ATP13A3: variants seen among roughly 807,000 people sequenced by gnomAD.
ATP13A3 encodes ATPase 13A3, also known as polyamine-transporting ATPase 13A3.
A neutral mutation model predicts 158.1 loss-of-function variants in ATP13A3; 59 were observed. That is an observed-to-expected ratio of 0.37 (90% CI 0.30 to 0.46). ATP13A3 has a LOEUF of 0.46. Ranked by LOEUF, ATP13A3 falls within the 20% of genes least tolerant of loss-of-function variation. The pLI is 1.00. For synonymous variants in ATP13A3, 491 were observed against 504.3 expected (o/e 0.97, Z 0.35); for missense variants, 1,166 against 1,525.2 (o/e 0.76, Z 3.92).
chr3:194,471,526 T>C (rs756995571), intron 2 of ATP13A3, among the ~76,000 whole-genome samples: 2 of 152,002 alleles, frequency 1.3e-5, no homozygotes, highest in Non-Finnish European at 1.5e-5. Context: ...GCAAATTTGT[T>C]GTGCTTTTAT....
At position 194,447,868 on chromosome 3, in the gene ATP13A3, TTAA is replaced by T; in HGVS notation, c.1289_1291del (p.Ile430del). The T allele has an allele frequency of 6.2e-7, 1 of 1,610,972 alleles. No individual in the cohort carries two copies. The highest frequency in any genetic ancestry group is 8.5e-7 in the Non-Finnish European group (1 of 1,177,310). Reference sequence around the variant, plus strand: ...CATACATACCTCATTTAAAATGCTATTAATAATAGTGTAGATAAACCCAATGCC... The same window carrying T: ...CATACATACCTCATTTAAAATGCTATTAATAGTGTAGATAAACCCAATGCC... On this transcript the variant is annotated inframe_deletion, in exon 13 of 34. Coordinates refer to ENST00000645319, the MANE Select transcript of ATP13A3 (RefSeq NM_001367549.1).
At chr3:194,439,058 A>C in intron 16 of ATP13A3, 86 bp from the exon 17 acceptor site, 1 of 828,364 alleles carries the variant, frequency 1.2e-6, no homozygotes, top group Non-Finnish European at 1.9e-6. Context: ...TCCATTTTTA[A>C]ATAGAACATT....
At chr3:194,417,396 GACACACACACACACACACACAC>G (rs56119734) in intron 31 of ATP13A3, among the ~76,000 whole-genome samples, 12 of 118,054 alleles carry the variant, frequency 1.0e-4, no homozygotes, top group Non-Finnish European at 1.9e-4. Context: ...GCCAGATTCT[GACACACACACACACACACACAC>G]ACACACACAC....
At chr3:194,485,165 T>C (rs1427534995) in intron 2 of ATP13A3, among the ~76,000 whole-genome samples, 1 of 152,182 alleles carries the variant, frequency 6.6e-6, no homozygotes, top group Non-Finnish European at 1.5e-5. Flanking sequence ...ATCTCAATTA[T>C]TTCACTCTCT....
In ATP13A3 at chr3:194,450,272, T is replaced by C. The variant is rs1479679204; in HGVS notation, c.843A>G (p.Ile281Met). The change falls in exon 11 of 34, where the codon ATA becomes ATG. Residue 281 changes from isoleucine to methionine, a missense_variant. Transcript: ENST00000645319. Reference sequence around the variant, plus strand: ...CAAGGTCGGTAGAAAAGATTTCTTCTATTTCTGAAATTAAAGAAAGAAAGA... The same window carrying C: ...CAAGGTCGGTAGAAAAGATTTCTTCCATTTCTGAAATTAAAGAAAGAAAGA... ...RVSVCRVNEE[I>M]EEIFSTDLVP... 4.3e-6 allele frequency: 7 copies of C among 1,610,692 alleles called. No individual in the cohort carries two copies. Among genetic ancestry groups the C allele is most frequent in the Non-Finnish European group, 5.9e-6 (7 of 1,177,936 alleles).
intron 30 of ATP13A3, among the ~76,000 whole-genome samples, chr3:194,423,634 C>T (rs1383241901): frequency 1.3e-5 from 2 of 152,172 alleles, no homozygotes; most frequent in South Asian, 2.1e-4. Context: ...TAACGGCAAT[C>T]GAGTTTTATG....
chr3:194,471,344 A>G (rs959653488), intron 2 of ATP13A3, among the ~76,000 whole-genome samples: 7 of 150,540 alleles, frequency 4.6e-5, no homozygotes, highest in East Asian at 1.9e-4. Flanking sequence ...AAAAAAAAAA[A>G]AAAGAAAAGA....
intron 32 of ATP13A3, chr3:194,412,823 C>G (rs1178403987): frequency 6.5e-6 from 1 of 154,488 alleles, no homozygotes; most frequent in Non-Finnish European, 1.4e-5. Flanking sequence ...TGGGCAACTT[C>G]AAAAGGTCAG....
At chr3:194,450,934 A>G (rs1259624801) in intron 10 of ATP13A3, 2 of 152,256 alleles carry the variant, frequency 1.3e-5, no homozygotes, top group Non-Finnish European at 2.9e-5. Context: ...TTTGAAAAAA[A>G]GAAAAATGAA....
chr3:194,425,636 A>G (rs1057093114), intron 29 of ATP13A3, 107 bp from the exon 30 acceptor site: 8 of 859,916 alleles, frequency 9.3e-6, no homozygotes, highest in Non-Finnish European at 1.4e-5. Flanking sequence ...ACAAATAGAA[A>G]TATGATATTT....
At chr3:194,435,705 G>A (rs921998894) in intron 20 of ATP13A3, among the ~76,000 whole-genome samples, 3 of 152,094 alleles carry the variant, frequency 2.0e-5, no homozygotes, top group Non-Finnish European at 4.4e-5. Context: ...TCAGGAGTTC[G>A]AGACCAGCCT....
At chr3:194,481,025 C>T (rs778587729) in intron 2 of ATP13A3, among the ~76,000 whole-genome samples, 17 of 152,070 alleles carry the variant, frequency 1.1e-4, no homozygotes, top group Non-Finnish European at 1.6e-4. Context: ...AAACTGGTGC[C>T]TTTTTAAAAG....
At chr3:194,490,543 T>C (rs886968660), upstream of ATP13A3, among the ~76,000 whole-genome samples, 1 of 152,250 alleles carries the variant, frequency 6.6e-6, no homozygotes, top group African/African-American at 2.4e-5. The surrounding 1 kb of genome is among the most constrained non-coding windows in gnomAD (Gnocchi z 4.4). Context: ...CTTCTCTAAA[T>C]GTTGCTGTTC....
Position 194,447,047 on chromosome 3 carries a change from A to C in ATP13A3, c.1377T>G (p.Pro459=). ...ACACAATACCAGCAGTCATTGCAGC[A>C]GGAAGTGCAGGGGGCACAGTAATTG... ...IITITVPPAL[P]AAMTAGIVYA... is the part of the protein sequence containing the mutation. The change falls in exon 14 of 34, where the codon CCT becomes CCG. Residue 459 remains proline, a synonymous_variant. Coordinates refer to ENST00000645319, the MANE Select transcript of ATP13A3 (RefSeq NM_001367549.1). 1 of 1,613,566 alleles carries C rather than the reference A, an allele frequency of 6.2e-7. No homozygotes were observed. Among genetic ancestry groups the C allele is most frequent in the Non-Finnish European group, 8.5e-7 (1 of 1,179,800 alleles).
chr3:194,484,393 G>A (rs754710768), intron 2 of ATP13A3, among the ~76,000 whole-genome samples: 3 of 152,022 alleles, frequency 2.0e-5, no homozygotes, highest in South Asian at 4.2e-4. Flanking sequence ...CTTGTATAAC[G>A]TGGTGGTTTT....
intron 2 of ATP13A3, among the ~76,000 whole-genome samples, chr3:194,483,994 C>A (rs1294075263): frequency 6.6e-6 from 1 of 151,436 alleles, no homozygotes; most frequent in African/African-American, 2.4e-5. Context: ...TATCACCTAT[C>A]AAAGAAAACA....
intron 28 of ATP13A3, among the ~76,000 whole-genome samples, 200 bp from the exon 29 acceptor site, chr3:194,427,452 A>G (rs553116234): frequency 3.3e-5 from 5 of 152,054 alleles, no homozygotes; most frequent in Non-Finnish European, 5.9e-5. Flanking sequence ...CTTTTTGAAA[A>G]ACGCCTCAGG....
chr3:194,451,542 A>C (rs1577069130), intron 10 of ATP13A3: 1 of 152,254 alleles, frequency 6.6e-6, no homozygotes, highest in African/African-American at 2.4e-5. Context: ...AATAAGCTAC[A>C]CATCTTAGAC....
chr3:194,418,078 G>A (rs1350591144), intron 31 of ATP13A3, among the ~76,000 whole-genome samples: 1 of 151,776 alleles, frequency 6.6e-6, no homozygotes, highest in African/African-American at 2.4e-5. Context: ...ATAAGACAAA[G>A]GTATCACTGA....
Sources: gnomAD v4.1 joint callset for allele counts (sites outside exome capture counted in the v4.1 genomes callset) on GRCh38, gnomAD v4.1.1 for gene constraint, Gnocchi (gnomAD v3.1) non-coding constraint, MANE v1.5 for transcripts, NCBI Gene and HGNC (gene_info 2026-07-23, HGNC 2026-07-21) for gene names.